The following ADAMTSL3 variants were observed in gnomAD, a reference collection of about 807,000 sequenced individuals.
ADAMTSL3 encodes ADAMTS like 3, also known as ADAMTS-like protein 3.
ADAMTSL3 carries 128 observed loss-of-function variants against 201.7 expected under a neutral mutation model. The observed-to-expected ratio is 0.63, with a 90% CI of 0.55 to 0.73. ADAMTSL3 has a LOEUF of 0.73. Ranked by LOEUF, ADAMTSL3 falls within the 30% of genes least tolerant of loss-of-function variation. The probability of loss-of-function intolerance (pLI) is 0.00; values close to 1 mark genes in which losing one functional copy is unlikely to be tolerated. For synonymous variants in ADAMTSL3, 738 were observed against 748.4 expected, an observed-to-expected ratio of 0.99 and a Z score of 0.23; for missense variants, 1,990 against 2,119.6, an observed-to-expected ratio of 0.94 and a Z score of 1.20.
At chr15:83,698,681 C>A (rs1442511594) in intron 2 of ADAMTSL3, among the ~76,000 whole-genome samples, 2 of 152,260 alleles carry the variant, frequency 1.3e-5, no homozygotes, top group East Asian at 3.9e-4. Flanking sequence ...TGGAAATGTC[C>A]AACGCATGTT....
chr15:83,856,697 T>C (rs2064742517), intron 7 of ADAMTSL3, among the ~76,000 whole-genome samples: 2 of 152,176 alleles, frequency 1.3e-5, no homozygotes, highest in Non-Finnish European at 2.9e-5. Flanking sequence ...AAAACAGCCT[T>C]ATCCATTCAT....
chr15:83,935,334 A>G (rs1430036530), intron 17 of ADAMTSL3, among the ~76,000 whole-genome samples: 1 of 152,210 alleles, frequency 6.6e-6, no homozygotes, highest in Non-Finnish European at 1.5e-5. Context: ...CTGATGGATC[A>G]TGACTAGTGC....
At chr15:83,815,133 C>T (rs2063752723) in intron 5 of ADAMTSL3, among the ~76,000 whole-genome samples, 1 of 152,160 alleles carries the variant, frequency 6.6e-6, no homozygotes, top group South Asian at 2.1e-4. Flanking sequence ...CTTTTCTGAG[C>T]TTCCCAGACT....
chr15:83,859,426 G>A (rs1163222539), intron 8 of ADAMTSL3, among the ~76,000 whole-genome samples: 4 of 152,178 alleles, frequency 2.6e-5, no homozygotes, highest in African/African-American at 7.2e-5. Flanking sequence ...CCCTCTTACC[G>A]GAGGTCTCTG....
chr15:83,857,250 T>C (rs1221917100), intron 7 of ADAMTSL3, among the ~76,000 whole-genome samples: 1 of 152,184 alleles, frequency 6.6e-6, no homozygotes, highest in Non-Finnish European at 1.5e-5. Flanking sequence ...GCAAATGTTT[T>C]CCCCCATTCC....
chr15:83,683,913 C>T (rs992394591), intron 2 of ADAMTSL3, among the ~76,000 whole-genome samples: 4 of 152,208 alleles, frequency 2.6e-5, no homozygotes, highest in Non-Finnish European at 4.4e-5. Context: ...CAGCCTGACA[C>T]TTAATCATTT....
At chr15:83,782,318 A>G (rs1423757382) in intron 4 of ADAMTSL3, among the ~76,000 whole-genome samples, 1 of 152,048 alleles carries the variant, frequency 6.6e-6, no homozygotes, top group Non-Finnish European at 1.5e-5. Flanking sequence ...CTCTACTAAA[A>G]ATACAAAAAT....
intron 27 of ADAMTSL3, among the ~76,000 whole-genome samples, chr15:84,026,750 C>T (rs560879604): frequency 3.0e-4 from 45 of 152,132 alleles, no homozygotes; most frequent in African/African-American, 1.0e-3. Context: ...GGAAGTTGGA[C>T]CCTTTACACC....
At chr15:83,819,163 A>AG (rs200518847) in intron 5 of ADAMTSL3, among the ~76,000 whole-genome samples, 1 of 148,922 alleles carries the variant, frequency 6.7e-6, no homozygotes, top group Admixed American at 6.9e-5. Flanking sequence ...CCAGCTACTC[A>AG]GGGGGGCTGA....
intron 7 of ADAMTSL3, among the ~76,000 whole-genome samples, chr15:83,841,956 A>G (rs1043934640): frequency 6.6e-6 from 1 of 151,548 alleles, no homozygotes; most frequent in East Asian, 2.0e-4. Context: ...CTCAGGGGGA[A>G]ATTTGGCCGA....
chr15:83,915,580 G>A (rs139995171), intron 16 of ADAMTSL3, among the ~76,000 whole-genome samples: 15 of 152,054 alleles, frequency 9.9e-5, no homozygotes, highest in African/African-American at 3.6e-4. Flanking sequence ...ACAATGTAGT[G>A]GTTTCTAGTT....
chr15:83,731,985 A>G (rs1205659678), intron 3 of ADAMTSL3, among the ~76,000 whole-genome samples: 7 of 151,986 alleles, frequency 4.6e-5, no homozygotes, highest in African/African-American at 7.2e-5. Context: ...ATAAGTGACT[A>G]TAGTTAATAA....
chr15:83,754,361 A>G (rs564984180), intron 3 of ADAMTSL3, among the ~76,000 whole-genome samples: 1 of 152,302 alleles, frequency 6.6e-6, no homozygotes, highest in Admixed American at 6.5e-5. Context: ...GCTCGCAGGA[A>G]TGCCAGCCAC....
chr15:83,839,791 C>T (rs985088479), intron 7 of ADAMTSL3, among the ~76,000 whole-genome samples: 1 of 151,856 alleles, frequency 6.6e-6, no homozygotes, highest in African/African-American at 2.4e-5. Context: ...TCTTGTGCAG[C>T]TCGGTGGACA....
At chr15:83,960,375 G>T (rs974789323) in intron 19 of ADAMTSL3, among the ~76,000 whole-genome samples, 2 of 152,156 alleles carry the variant, frequency 1.3e-5, no homozygotes, top group African/African-American at 4.8e-5. Flanking sequence ...TGAGGGGGAA[G>T]GCTGAGAGCT....
chr15:83,718,564 C>T (rs976626812), intron 3 of ADAMTSL3, among the ~76,000 whole-genome samples: 10 of 151,742 alleles, frequency 6.6e-5, no homozygotes, highest in Non-Finnish European at 1.2e-4. Flanking sequence ...ATTAGCCAGG[C>T]GTGGTGGTGC....
chr15:83,991,282 A>G (rs2067577850), intron 23 of ADAMTSL3, 68 bp downstream of exon 23: 1 of 1,601,136 alleles, frequency 6.2e-7, no homozygotes, highest in East Asian at 2.2e-5. Flanking sequence ...CAGTGTTGCC[A>G]GGAAACACCA....
chr15:83,869,336 A>C, intron 8 of ADAMTSL3, among the ~76,000 whole-genome samples: 1 of 152,078 alleles, frequency 6.6e-6, no homozygotes, highest in Non-Finnish European at 1.5e-5. Flanking sequence ...CTTCATTGGA[A>C]CTAGGAAATG....
chr15:83,766,690 T>A (rs2141723044), intron 3 of ADAMTSL3, among the ~76,000 whole-genome samples: 1 of 152,362 alleles, frequency 6.6e-6, no homozygotes, highest in South Asian at 2.1e-4. Context: ...GCAGGCTTTG[T>A]CTGGGGTAAG....
Sources: gnomAD v4.1 joint callset for allele counts (sites outside exome capture counted in the v4.1 genomes callset) on GRCh38, gnomAD v4.1.1 for gene constraint, MANE v1.5 for transcripts, NCBI Gene and HGNC (gene_info 2026-07-23, HGNC 2026-07-21) for gene names.